The following DLG2 variants were observed in gnomAD, a reference collection of about 807,000 sequenced individuals.
DLG2 encodes disks large homolog 2.
Under a neutral mutation model 132.5 loss-of-function variants are expected in DLG2, and 45 were observed. The observed-to-expected ratio is 0.34, with a 90% CI of 0.27 to 0.44. The LOEUF (loss-of-function observed/expected upper bound fraction) is 0.44, where lower values mean the gene tolerates loss of function less well. Among genes scored for constraint, DLG2 ranks in the 20% least tolerant of loss-of-function variants. DLG2 has a pLI of 1.00. For missense variants in DLG2, 1,045 were observed against 1,196.9 expected (o/e 0.87, Z 1.87); for synonymous variants, 424 against 419.6 (o/e 1.01, Z -0.13).
chr11:83,745,971 G>GA (rs1034690226), intron 18 of DLG2, among the ~76,000 whole-genome samples: 2 of 152,158 alleles, frequency 1.3e-5, no homozygotes, highest in Non-Finnish European at 2.9e-5. Context: ...ACAGACACAT[G>GA]AAAAAATGCT....
At chr11:83,612,825 C>T (rs1301970698) in intron 19 of DLG2, among the ~76,000 whole-genome samples, 1 of 106,046 alleles carries the variant, frequency 9.4e-6, no homozygotes, top group African/African-American at 3.8e-5. Flanking sequence ...CAAAGTGCTT[C>T]CTGAGGCTCC....
At chr11:85,068,897 A>G (rs1194484858) in intron 6 of DLG2, among the ~76,000 whole-genome samples, 1 of 152,198 alleles carries the variant, frequency 6.6e-6, no homozygotes, top group Non-Finnish European at 1.5e-5. Flanking sequence ...CCTGACTTCA[A>G]ACTATACTAC....
At chr11:85,464,633 C>G (rs941886639) in intron 3 of DLG2, among the ~76,000 whole-genome samples, 2 of 152,058 alleles carry the variant, frequency 1.3e-5, no homozygotes, top group South Asian at 2.1e-4. Flanking sequence ...CTTGTGACCT[C>G]TGGTCACATG....
At chr11:83,988,110 T>C (rs2093459967) in intron 11 of DLG2, among the ~76,000 whole-genome samples, 1 of 152,196 alleles carries the variant, frequency 6.6e-6, no homozygotes, top group Non-Finnish European at 1.5e-5. Context: ...TGATAGTTTA[T>C]TTTGCTGTGC....
chr11:84,754,248 C>T lies in DLG2; in HGVS notation c.358-219517G>A, dbSNP rs1597366543. Among the ~76,000 whole-genome samples the T allele has an allele frequency of 2.0e-5, 3 of 152,080 alleles. No homozygotes were observed. The East Asian group carries it at 5.8e-4, about 29-fold the overall frequency. On this transcript the variant is annotated intron_variant, in intron 6 of 27. Coordinates refer to ENST00000376104, the MANE Select transcript of DLG2 (RefSeq NM_001142699.3). ...GAAGATCTTTATGAACTCCAAAGCA[C>T]TATATAAATAATATGTTATTTTGTG...
In DLG2 at chr11:84,576,039, G is replaced by A. The variant is rs931515057; in HGVS notation, c.358-41308C>T. On this transcript the variant is annotated intron_variant, in intron 6 of 27. Transcript: ENST00000376104. Reference sequence around the variant, plus strand: ...AATCTCTTTTCTATATGGCTCACTCGCCTTTCTTTAAGTCTTTGTTTGAGA... The same window carrying A: ...AATCTCTTTTCTATATGGCTCACTCACCTTTCTTTAAGTCTTTGTTTGAGA... 6.6e-5 allele frequency among the ~76,000 whole-genome samples: 10 copies of A among 152,116 alleles called. No homozygotes were observed. The South Asian group carries it at 1.0e-3, about 16-fold the overall frequency.
rs2059281916 is a variant in DLG2, at chr11:83,605,987, T to TA, written c.1940+27223dup. The stretch of plus-strand genomic sequence containing the variant: ...CTTGAGATACTAGGAGAAGGGAACA[T>TA]ACATTTGTTGAGTGACTTCACTATA... On this transcript the variant is annotated intron_variant, in intron 19 of 27. Transcript: ENST00000376104. Among the ~76,000 whole-genome samples, 5 of 152,348 alleles carry TA rather than the reference T, an allele frequency of 3.3e-5. No homozygotes were observed. In the South Asian group the frequency reaches 1.0e-3, roughly 32 times the overall value.
intron 3 of DLG2, among the ~76,000 whole-genome samples, chr11:85,319,572 G>A (rs578071529): frequency 6.6e-6 from 1 of 151,844 alleles, no homozygotes; most frequent in South Asian, 2.1e-4. Flanking sequence ...AGCAATCTGT[G>A]TTAAATTATA....
intron 9 of DLG2, among the ~76,000 whole-genome samples, chr11:84,111,363 T>G (rs548192193): frequency 6.6e-6 from 1 of 152,322 alleles, no homozygotes; most frequent in Admixed American, 6.5e-5. Flanking sequence ...CCTTCTGGGC[T>G]TCCGTAAAAC....
rs60696708 is a variant in DLG2 at position 85,267,170 on chromosome 11, C to G, written c.186+18050G>C. On this transcript the variant is annotated intron_variant, in intron 4 of 27. Coordinates refer to ENST00000376104, the MANE Select transcript of DLG2 (RefSeq NM_001142699.3). Reference sequence around the variant, plus strand: ...AGAGTAATCATGAATAGGATAAGTACCCTTACAAAAAGACATGAGAGGACT... The same window carrying G: ...AGAGTAATCATGAATAGGATAAGTAGCCTTACAAAAAGACATGAGAGGACT... Among the ~76,000 whole-genome samples, 203 of 152,244 alleles carry G rather than the reference C, an allele frequency of 1.3e-3. 2 individuals are homozygous for G. The highest frequency in any genetic ancestry group is 4.7e-3 in the African/African-American group (195 of 41,558).
At chr11:85,199,628 G>T (rs568730109) in intron 4 of DLG2, among the ~76,000 whole-genome samples, 1 of 152,298 alleles carries the variant, frequency 6.6e-6, no homozygotes, top group South Asian at 2.1e-4. Context: ...CACTCAAGGT[G>T]ATTCTTATGA....
intron 15 of DLG2, among the ~76,000 whole-genome samples, chr11:83,903,455 GTTTTATAAATAGTA>G (rs2073990535): frequency 6.6e-6 from 1 of 152,026 alleles, no homozygotes; most frequent in Admixed American, 6.6e-5. Context: ...AGTTCTTATG[GTTTTATAAATAGTA>G]TTAATTGATT....
At chr11:84,420,692 G>A (rs1217204265) in intron 7 of DLG2, among the ~76,000 whole-genome samples, 6 of 34,220 alleles carry the variant, frequency 1.8e-4, no homozygotes, top group Admixed American at 1.1e-3. Flanking sequence ...TTTTTGAGAC[G>A]GAGTCTTGCT....
At chr11:84,781,057 ATGTGTGTGTG>A (rs35479707) in intron 6 of DLG2, among the ~76,000 whole-genome samples, 4 of 142,934 alleles carry the variant, frequency 2.8e-5, no homozygotes, top group Non-Finnish European at 3.0e-5. Context: ...TCATAACTTA[ATGTGTGTGTG>A]TGTGTGTGTG....
intron 3 of DLG2, among the ~76,000 whole-genome samples, chr11:85,595,252 A>C (rs913435589): frequency 2.6e-5 from 4 of 152,088 alleles, no homozygotes; most frequent in African/African-American, 9.7e-5. Flanking sequence ...CTAAATGTGC[A>C]GCTTCTAGTA....
intron 7 of DLG2, among the ~76,000 whole-genome samples, chr11:84,313,752 G>A (rs773915884): frequency 6.6e-6 from 1 of 152,166 alleles, no homozygotes; most frequent in Non-Finnish European, 1.5e-5. Context: ...TGGTCTCTGA[G>A]TCTCCACTGT....
intron 7 of DLG2, among the ~76,000 whole-genome samples, chr11:84,382,484 C>G (rs910429208): frequency 3.3e-5 from 5 of 152,100 alleles, no homozygotes; most frequent in African/African-American, 1.2e-4. Context: ...TCAAGAGGCT[C>G]CTGTCGAATG....
chr11:84,872,901 CCT>C (rs1442299283), intron 6 of DLG2, among the ~76,000 whole-genome samples: 3 of 152,256 alleles, frequency 2.0e-5, no homozygotes, highest in Non-Finnish European at 2.9e-5. Flanking sequence ...AAAATCAAGA[CCT>C]TAAGTGAGGC....
At chr11:85,462,207 G>A (rs546609490) in intron 3 of DLG2, among the ~76,000 whole-genome samples, 2 of 152,112 alleles carry the variant, frequency 1.3e-5, no homozygotes, top group African/African-American at 2.4e-5. Flanking sequence ...TTGGTGGGAC[G>A]GTAAACTAGT....
Sources: allele counts gnomAD v4.1 joint callset (sites outside exome capture counted in the v4.1 genomes callset), GRCh38; gene constraint gnomAD v4.1.1; transcripts MANE v1.5; gene names NCBI Gene and HGNC (gene_info 2026-07-23, HGNC 2026-07-21).